ATR: variants seen among roughly 807,000 people sequenced by gnomAD.
The protein encoded by ATR is serine/threonine-protein kinase ATR.
In ATR, 142 loss-of-function variants were observed where a neutral mutation model predicts 305.3. The observed-to-expected ratio is 0.47, with a 90% CI of 0.41 to 0.53. The LOEUF (loss-of-function observed/expected upper bound fraction) is 0.53, where lower values mean the gene tolerates loss of function less well. Among genes scored for constraint, ATR ranks in the 20% least tolerant of loss-of-function variants. The probability of loss-of-function intolerance (pLI) is 0.00; values close to 1 mark genes in which losing one functional copy is unlikely to be tolerated. For missense variants in ATR, 2,135 were observed against 3,133.1 expected, an observed-to-expected ratio of 0.68 and a Z score of 7.60; for synonymous variants, 1,050 against 1,068.1, an observed-to-expected ratio of 0.98 and a Z score of 0.33.
At chr3:142,513,359 A>T in intron 26 of ATR, 142 bp downstream of exon 26, 1 of 985,398 alleles carries the variant, frequency 1.0e-6, no homozygotes, top group Non-Finnish European at 1.6e-6. Flanking sequence ...ACACACACCA[A>T]ACAGGCAAAG....
chr3:142,468,170 A>T, intron 38 of ATR, 102 bp from the exon 39 acceptor site: 2 of 1,380,362 alleles, frequency 1.4e-6, no homozygotes, highest in Non-Finnish European at 1.0e-6. Context: ...ATTCATGATG[A>T]GAGTTTATAT....
At chr3:142,478,222 C>T (rs2030057707) in intron 36 of ATR, among the ~76,000 whole-genome samples, 1 of 152,070 alleles carries the variant, frequency 6.6e-6, no homozygotes, top group East Asian at 1.9e-4. Context: ...CTCTTGTGGG[C>T]ATTTAGTGCT....
intron 34 of ATR, among the ~76,000 whole-genome samples, chr3:142,495,744 AAAATAAAT>A (rs61258831): frequency 3.3e-5 from 5 of 151,586 alleles, no homozygotes; most frequent in African/African-American, 4.9e-5. Flanking sequence ...ACTCCGGTTC[AAAATAAAT>A]AAATAAATAA....
chr3:142,496,937 T>C (rs1196333974), intron 33 of ATR, 76 bp downstream of exon 33: 2 of 1,483,672 alleles, frequency 1.3e-6, no homozygotes, highest in Admixed American at 1.9e-5. Flanking sequence ...AATTAAGAAA[T>C]ACAAACACCC....
intron 41 of ATR, among the ~76,000 whole-genome samples, chr3:142,463,842 G>A (rs193189075): frequency 6.6e-6 from 1 of 151,966 alleles, no homozygotes; most frequent in Non-Finnish European, 1.5e-5. Flanking sequence ...TCTTTTCTAT[G>A]CTAAAGATCT....
intron 36 of ATR, among the ~76,000 whole-genome samples, chr3:142,472,795 G>A (rs575526926): frequency 1.1e-4 from 16 of 152,010 alleles, no homozygotes; most frequent in Middle Eastern, 3.4e-3. Context: ...ATACCACCAC[G>A]CCCGAATAAT....
chr3:142,515,530 A>C lies in ATR; in HGVS notation c.4383-15T>G. The C allele has an allele frequency of 2.5e-6, 4 of 1,603,286 alleles. No individual in the cohort carries two copies. The highest frequency in any genetic ancestry group is 3.4e-6 in the Non-Finnish European group (4 of 1,170,856). ...AACTCTTGTATCTGTAATTTTGAAA[A>C]TTTGTTTATTAAAAAGATAAATCCA... On this transcript the variant is annotated splice_polypyrimidine_tract_variant and intron_variant, in intron 24 of 46. Coordinates refer to ENST00000350721, the MANE Select transcript of ATR (RefSeq NM_001184.4).
At position 142,550,259 on chromosome 3, in the gene ATR, G is replaced by A. The variant is rs146041880; in HGVS notation, c.2849C>T (p.Pro950Leu). The A allele has an allele frequency of 5.0e-6, 8 of 1,614,108 alleles. No homozygotes were observed. Among genetic ancestry groups the A allele is most frequent in the African/African-American group, 1.3e-5 (1 of 75,028 alleles). The change falls in exon 14 of 47, where the codon CCG (proline) becomes CTG (leucine). Residue 950 changes from proline (P) to leucine (L), a missense_variant. Coordinates refer to ENST00000350721, the MANE Select transcript of ATR (RefSeq NM_001184.4). The part of the protein sequence containing the change: ...SLHSSQMTAL[P>L]NTPCQNADVR... ...GTCAGCATTCTGGCATGGAGTATTC[G>A]GAAGTGCTGTCATCTGACTAGAGTG...
intron 17 of ATR, among the ~76,000 whole-genome samples, chr3:142,541,481 T>C (rs1248599919): frequency 6.6e-6 from 1 of 152,152 alleles, no homozygotes; most frequent in Non-Finnish European, 1.5e-5. Flanking sequence ...TAAGGAAATT[T>C]TTGTCCTAAT....
chr3:142,531,443 C>T (rs12629001), intron 21 of ATR, among the ~76,000 whole-genome samples: 1 of 151,488 alleles, frequency 6.6e-6, no homozygotes, highest in South Asian at 2.1e-4. Context: ...GTGTGATGTT[C>T]CCCTTCCTGT....
In ATR at chr3:142,556,005, A is replaced by G; in HGVS notation, c.2213T>C (p.Val738Ala). The G allele has an allele frequency of 6.2e-7, 1 of 1,614,138 alleles. No homozygotes were observed. Among genetic ancestry groups the G allele is most frequent in the Non-Finnish European group, 8.5e-7 (1 of 1,180,002 alleles). The change falls in exon 10 of 47, where the codon GTG becomes GCG. Residue 738 changes from valine to alanine, a missense_variant. Transcript: ENST00000350721. ...TTTCAAGTTCCTACAGAAGAGGTCC[A>G]CATGTCCGTGTTCAGAGAAAGGTTC... ...LTEPFSEHGHVDLFCRNLKAT... is the reference protein window; with the variant it reads ...LTEPFSEHGHADLFCRNLKAT...
chr3:142,492,033 A>C (rs1019439550), intron 35 of ATR, among the ~76,000 whole-genome samples: 6 of 152,032 alleles, frequency 3.9e-5, no homozygotes, highest in Non-Finnish European at 8.8e-5. Flanking sequence ...TTACATTGTC[A>C]AGTTTTAGAT....
At chr3:142,515,637 A>T (rs2032828150) in intron 24 of ATR, 122 bp from the exon 25 acceptor site, 2 of 1,103,508 alleles carry the variant, frequency 1.8e-6, no homozygotes, top group Non-Finnish European at 2.6e-6. Flanking sequence ...CAATCTGCTT[A>T]CCTTTTTCCA....
chr3:142,463,247 C>G (rs1318344014), intron 41 of ATR, among the ~76,000 whole-genome samples: 1 of 152,014 alleles, frequency 6.6e-6, no homozygotes, highest in African/African-American at 2.4e-5. Context: ...ATTAAAGTAA[C>G]AAAGCTGATT....
chr3:142,451,571 C>T, intron 46 of ATR: 1 of 1,316,060 alleles, frequency 7.6e-7, no homozygotes, highest in South Asian at 1.3e-5. Flanking sequence ...ATGCTTCATC[C>T]CAGCAGTTGG....
chr3:142,534,279 A>G (rs538043284), intron 21 of ATR, among the ~76,000 whole-genome samples: 13 of 152,154 alleles, frequency 8.5e-5, no homozygotes, highest in Admixed American at 2.6e-4. Context: ...CCTAGAGGAG[A>G]TTCAAGGCTC....
intron 27 of ATR, 80 bp from the exon 28 acceptor site, chr3:142,508,189 T>C: frequency 1.7e-6 from 2 of 1,184,160 alleles, no homozygotes; most frequent in Non-Finnish European, 2.4e-6. Flanking sequence ...TTAAGTTCAA[T>C]TTATTTCACT....
chr3:142,531,146 G>A (rs1027176222), intron 21 of ATR, among the ~76,000 whole-genome samples: 30 of 152,250 alleles, frequency 2.0e-4, no homozygotes, highest in African/African-American at 6.5e-4. Flanking sequence ...TGCTCTGCTT[G>A]ACACTCTTTA....
intron 35 of ATR, among the ~76,000 whole-genome samples, chr3:142,487,730 C>G (rs1424316726): frequency 5.9e-5 from 9 of 152,140 alleles, no homozygotes; most frequent in Non-Finnish European, 1.3e-4. Flanking sequence ...TAGGTTGCCT[C>G]TAACTCACAA....
Sources: gnomAD v4.1 joint callset for allele counts (sites outside exome capture counted in the v4.1 genomes callset) on GRCh38, gnomAD v4.1.1 for gene constraint, MANE v1.5 for transcripts, NCBI Gene and HGNC (gene_info 2026-07-23, HGNC 2026-07-21) for gene names.